The following IL1RAPL2 variants were observed in gnomAD, a reference collection of about 807,000 sequenced individuals.
IL1RAPL2 encodes interleukin 1 receptor accessory protein like 2, also known as X-linked interleukin-1 receptor accessory protein-like 2.
IL1RAPL2 carries 3 observed loss-of-function variants against 44.1 expected under a neutral mutation model. The ratio of observed to expected loss-of-function variants is 0.07; its 90% CI spans 0.03 to 0.18. The LOEUF (loss-of-function observed/expected upper bound fraction) is 0.18. Ranked by LOEUF, IL1RAPL2 falls within the 10% of genes least tolerant of loss-of-function variation. IL1RAPL2 has a pLI of 1.00. For missense variants in IL1RAPL2, 391 were observed against 496.4 expected (o/e 0.79, Z 2.02); for synonymous variants, 181 against 178.8 (o/e 1.01, Z -0.10).
At chrX:105,089,810 A>G (rs992515447) in intron 2 of IL1RAPL2, among the ~76,000 whole-genome samples, 1 of 111,819 alleles carries the variant, frequency 8.9e-6, no homozygotes, top group African/African-American at 3.2e-5. Flanking sequence ...CTAAGGTCCC[A>G]CAGTGAATAA....
chrX:104,823,658 C>G (rs1471402683), intron 2 of IL1RAPL2, among the ~76,000 whole-genome samples: 2 of 109,509 alleles, frequency 1.8e-5, no homozygotes, highest in Non-Finnish European at 3.8e-5. Context: ...AGTTCTAGAT[C>G]CCTGAGGAAT....
At chrX:105,355,949 A>C (rs2035198814) in intron 5 of IL1RAPL2, among the ~76,000 whole-genome samples, 1 of 111,360 alleles carries the variant, frequency 9.0e-6, no homozygotes, top group Non-Finnish European at 1.9e-5. Context: ...GTTTGGACTA[A>C]TACTAGTATT....
chrX:105,391,472 A>G (rs1021716849), intron 5 of IL1RAPL2, among the ~76,000 whole-genome samples: 26 of 96,862 alleles, frequency 2.7e-4, no homozygotes, highest in Middle Eastern at 5.2e-3. Flanking sequence ...TTAGAATGGC[A>G]ATCATTAAAA....
intron 6 of IL1RAPL2, among the ~76,000 whole-genome samples, chrX:105,686,226 GCTAAATGCCCC>G (rs1489123330): frequency 4.6e-5 from 5 of 109,378 alleles, no homozygotes; most frequent in African/African-American, 1.7e-4. Context: ...ATGTAAATTG[GCTAAATGCCCC>G]AATTAAAAGA....
At chrX:105,194,024 GAA>G (rs1297632266) in intron 2 of IL1RAPL2, among the ~76,000 whole-genome samples, 1 of 110,075 alleles carries the variant, frequency 9.1e-6, no homozygotes, top group Non-Finnish European at 1.9e-5. Context: ...TTGAAAATCT[GAA>G]AAAAAAGGGC....
At chrX:105,750,588 T>C (rs2038589133) in intron 9 of IL1RAPL2, among the ~76,000 whole-genome samples, 1 of 108,639 alleles carries the variant, frequency 9.2e-6, no homozygotes, top group African/African-American at 3.4e-5. Flanking sequence ...TTACAGACAT[T>C]AGCCACTGCA....
chrX:105,247,346 C>G (rs758337307), intron 4 of IL1RAPL2, among the ~76,000 whole-genome samples: 1 of 110,758 alleles, frequency 9.0e-6, no homozygotes, highest in East Asian at 2.8e-4. Context: ...ATGTTATGCA[C>G]TTAATCACTC....
chrX:105,633,130 G>C (rs1447414268), intron 6 of IL1RAPL2, among the ~76,000 whole-genome samples: 2 of 111,837 alleles, frequency 1.8e-5, no homozygotes, highest in African/African-American at 6.5e-5. Context: ...TTGAGATGCT[G>C]CTTCTACATT....
chrX:104,863,594 C>T (rs1388626970), intron 2 of IL1RAPL2, among the ~76,000 whole-genome samples: 1 of 112,009 alleles, frequency 8.9e-6, no homozygotes, highest in Non-Finnish European at 1.9e-5. Flanking sequence ...GCCAAGTGTT[C>T]TGTGAAATTG....
intron 2 of IL1RAPL2, among the ~76,000 whole-genome samples, chrX:104,954,309 C>A: frequency 9.0e-6 from 1 of 111,592 alleles, no homozygotes. Flanking sequence ...TCCCTTCTTG[C>A]CATCATTACC....
chrX:105,424,211 C>T (rs1273024612), intron 5 of IL1RAPL2, among the ~76,000 whole-genome samples: 6 of 112,200 alleles, frequency 5.3e-5, no homozygotes, highest in South Asian at 7.5e-4. Flanking sequence ...GTGGTCAGAA[C>T]ACAGTTTGGT....
At chrX:105,686,874 T>A (rs933633105) in intron 6 of IL1RAPL2, among the ~76,000 whole-genome samples, 2 of 111,946 alleles carry the variant, frequency 1.8e-5, no homozygotes, top group African/African-American at 6.5e-5. Context: ...ACAAACAGTC[T>A]CTCAGACCAC....
intron 2 of IL1RAPL2, among the ~76,000 whole-genome samples, chrX:105,134,787 G>A (rs941013472): frequency 1.8e-5 from 2 of 111,472 alleles, no homozygotes; most frequent in African/African-American, 6.5e-5. Context: ...ATCTTCTTGT[G>A]TGTGCCTTAT....
At chrX:104,654,893 C>T (rs188909928) in intron 1 of IL1RAPL2, among the ~76,000 whole-genome samples, 4 of 111,109 alleles carry the variant, frequency 3.6e-5, no homozygotes, top group Non-Finnish European at 7.6e-5. Context: ...CCTCACATCC[C>T]TTGTAAGTTG....
chrX:105,136,961 A>G (rs769393690), intron 2 of IL1RAPL2, among the ~76,000 whole-genome samples: 112 of 112,481 alleles, frequency 1.0e-3, no homozygotes, highest in Non-Finnish European at 1.6e-3. Context: ...TCATATGGAT[A>G]AAGTCATTTC....
intron 5 of IL1RAPL2, among the ~76,000 whole-genome samples, chrX:105,339,474 G>A (rs2035054255): frequency 9.0e-6 from 1 of 111,607 alleles, no homozygotes; most frequent in Admixed American, 9.5e-5. Context: ...GGAGAAGTTG[G>A]GAAGATATAT....
At chrX:105,728,572 C>G (rs1160122634) in intron 7 of IL1RAPL2, among the ~76,000 whole-genome samples, 1 of 111,191 alleles carries the variant, frequency 9.0e-6, no homozygotes, top group African/African-American at 3.3e-5. Flanking sequence ...AAGAAGTTAA[C>G]AGATAAGAGG....
chrX:105,233,620 A>G (rs1556198284), intron 3 of IL1RAPL2, among the ~76,000 whole-genome samples, 198 bp from the exon 4 acceptor site: 1 of 112,377 alleles, frequency 8.9e-6, no homozygotes. Context: ...CCTCATGGCC[A>G]CAAATATCCA....
chrX:104,723,644 CAG>C (rs1357958092), intron 2 of IL1RAPL2, among the ~76,000 whole-genome samples: 2 of 110,556 alleles, frequency 1.8e-5, no homozygotes, highest in Non-Finnish European at 3.8e-5. Context: ...ATCCTACCCA[CAG>C]AGAAATGACA....
Sources: allele counts gnomAD v4.1 joint callset (sites outside exome capture counted in the v4.1 genomes callset), GRCh38; gene constraint gnomAD v4.1.1; transcripts MANE v1.5; gene names NCBI Gene and HGNC (gene_info 2026-07-23, HGNC 2026-07-21).